The following ZMYM1 variants were observed in gnomAD, a reference collection of about 807,000 sequenced individuals.
ZMYM1 encodes the protein zinc finger MYM-type containing 1.
In ZMYM1, 39 loss-of-function variants were observed where a neutral mutation model predicts 60.0. The observed-to-expected ratio is 0.65, with a 90% CI of 0.50 to 0.85. The LOEUF (loss-of-function observed/expected upper bound fraction) is 0.85, where lower values mean the gene tolerates loss of function less well. ZMYM1 is among the 40% of genes least tolerant of loss of function. The pLI, the probability that ZMYM1 is intolerant of heterozygous loss-of-function variation, is 0.00. For synonymous variants in ZMYM1, 413 were observed against 454.0 expected (o/e 0.91, Z 1.15); for missense variants, 1,171 against 1,309.5 (o/e 0.89, Z 1.63).
intron 1 of ZMYM1, among the ~76,000 whole-genome samples, chr1:35,062,257 CATT>C (rs2148473846): frequency 6.6e-6 from 1 of 152,302 alleles, no homozygotes; most frequent in Non-Finnish European, 1.5e-5. Flanking sequence ...AGAAGAAACT[CATT>C]GTGTGCAGTC....
At chr1:35,077,363 T>C (rs984980007), upstream of ZMYM1, among the ~76,000 whole-genome samples, 2 of 152,180 alleles carry the variant, frequency 1.3e-5, no homozygotes, top group Admixed American at 1.3e-4. Context: ...CTAAACTAAC[T>C]TTGGGAGGAA....
In ZMYM1 at chr1:35,113,476, G is replaced by A. The variant is rs757222725; in HGVS notation, c.1646G>A (p.Gly549Glu). Residue 549 changes from glycine to glutamate, a missense_variant, in exon 10 of 10, where the codon GGA becomes GAA. Physicochemically the swap from Gly to Glu is moderately conservative, Grantham distance 98 (BLOSUM62 -2). Transcript: ENST00000359858. ...TCTATTCATTCGAAACAGATTGAGG[G>A]AAATAAAAAGTACCTAAAGCTTATA... ...DLSIHSKQIEGNKKYLKLIIE... is the reference protein window; with the variant it reads ...DLSIHSKQIEENKKYLKLIIE... 1 of 1,612,038 alleles carries A rather than the reference G, an allele frequency of 6.2e-7. No individual in the cohort carries two copies. The highest frequency in any genetic ancestry group is 8.5e-7 in the Non-Finnish European group (1 of 1,179,490).
chr1:35,118,408 T>C (rs1427085834), downstream of ZMYM1, among the ~76,000 whole-genome samples: 1 of 152,092 alleles, frequency 6.6e-6, no homozygotes, highest in African/African-American at 2.4e-5. Flanking sequence ...CTGTTTTTAG[T>C]TGTAGTTTCT....
chr1:35,082,256 G>C (rs1642425203), intron 1 of ZMYM1, among the ~76,000 whole-genome samples: 1 of 149,444 alleles, frequency 6.7e-6, no homozygotes, highest in African/African-American at 2.5e-5. Context: ...TTCTTTTGCG[G>C]GGGGTGAGTT....
intron 6 of ZMYM1, among the ~76,000 whole-genome samples, chr1:35,105,554 C>T (rs1216255499): frequency 6.6e-6 from 1 of 152,254 alleles, no homozygotes; most frequent in African/African-American, 2.4e-5. Flanking sequence ...CTGCCTCAGC[C>T]TCCCAAGGAA....
chr1:35,097,279 A>G, intron 3 of ZMYM1, 38 bp from the exon 4 acceptor site: 1 of 1,544,422 alleles, frequency 6.5e-7, no homozygotes, highest in East Asian at 2.2e-5. Flanking sequence ...ATTTTGTGTA[A>G]ATAACAATTT....
chr1:35,088,055 A>C (rs1254894718), intron 1 of ZMYM1, among the ~76,000 whole-genome samples: 1 of 151,780 alleles, frequency 6.6e-6, no homozygotes, highest in Non-Finnish European at 1.5e-5. Context: ...GAGAGATTCC[A>C]TCTCAAGAAA....
At chr1:35,102,830 G>A (rs1204770035) in intron 4 of ZMYM1, among the ~76,000 whole-genome samples, 2 of 152,150 alleles carry the variant, frequency 1.3e-5, no homozygotes, top group Non-Finnish European at 2.9e-5. Flanking sequence ...CTTATGTCCT[G>A]TGTTGTCACA....
At chr1:35,111,693 C>A in intron 7 of ZMYM1, 79 bp from the exon 8 acceptor site, 1 of 1,336,096 alleles carries the variant, frequency 7.5e-7, no homozygotes, top group Non-Finnish European at 9.9e-7. Flanking sequence ...TGCATTATTT[C>A]TTTAAACAGT....
intron 7 of ZMYM1, among the ~76,000 whole-genome samples, chr1:35,111,213 G>C (rs1161078588): frequency 6.6e-6 from 1 of 152,072 alleles, no homozygotes; most frequent in Non-Finnish European, 1.5e-5. Flanking sequence ...TAATAAAAAA[G>C]CACAAATAAT....
chr1:35,064,418 G>C (rs952604706), intron 1 of ZMYM1, among the ~76,000 whole-genome samples: 5 of 151,082 alleles, frequency 3.3e-5, no homozygotes, highest in Non-Finnish European at 7.4e-5. Context: ...AAATGAGCAA[G>C]GAAATAGAAA....
chr1:35,114,253 G>C lies in ZMYM1; in HGVS notation c.2423G>C (p.Cys808Ser). The change falls in exon 10 of 10, where the codon TGT becomes TCT. Residue 808 changes from cysteine (C) to serine (S), a missense_variant. Cys to Ser is a moderately radical substitution (Grantham distance 112). Coordinates refer to ENST00000359858, the MANE Select transcript of ZMYM1 (RefSeq NM_024772.5). ...TGCAAGAAACATATATCACAATCAT[G>C]TTGGACAGTCCATGATCGTACATTA... is the stretch of plus-strand genomic sequence containing the variant. The part of the protein sequence containing the change: ...KTCKKHISQS[C>S]WTVHDRTLLS... 1 of 1,613,776 alleles carries C rather than the reference G, an allele frequency of 6.2e-7. No individual in the cohort carries two copies. Among genetic ancestry groups the C allele is most frequent in the Non-Finnish European group, 8.5e-7 (1 of 1,179,848 alleles).
intron 1 of ZMYM1, among the ~76,000 whole-genome samples, chr1:35,089,737 G>GTT (rs1236057708): frequency 2.0e-5 from 1 of 50,720 alleles, no homozygotes; most frequent in Non-Finnish European, 6.3e-5. Flanking sequence ...TAGTTGTAAG[G>GTT]CTTTTTTTTT....
chr1:35,077,067 G>A (rs998907646), upstream of ZMYM1, among the ~76,000 whole-genome samples: 8 of 152,106 alleles, frequency 5.3e-5, no homozygotes, highest in East Asian at 3.8e-4. Context: ...CAAGAAAGAC[G>A]CATGAAACTT....
chr1:35,110,616 G>A (rs751263826), intron 7 of ZMYM1, among the ~76,000 whole-genome samples, 169 bp downstream of exon 7: 13 of 152,072 alleles, frequency 8.5e-5, no homozygotes, highest in South Asian at 4.2e-4. Flanking sequence ...ATAAAAGGAA[G>A]GCTACTTTAC....
chr1:35,081,364 G>A (rs1361049655), intron 1 of ZMYM1, among the ~76,000 whole-genome samples: 7 of 151,864 alleles, frequency 4.6e-5, no homozygotes, highest in Non-Finnish European at 8.8e-5. Flanking sequence ...AGCTTTATAA[G>A]CCCTTCCAAC....
chr1:35,090,062 C>T (rs548424495), intron 1 of ZMYM1, among the ~76,000 whole-genome samples: 17 of 152,114 alleles, frequency 1.1e-4, no homozygotes, highest in Non-Finnish European at 1.3e-4. Flanking sequence ...CCTGCCACCA[C>T]GCCCGGCTAA....
At chr1:35,094,933 A>C (rs1569937913) in intron 2 of ZMYM1, among the ~76,000 whole-genome samples, 1 of 152,274 alleles carries the variant, frequency 6.6e-6, no homozygotes, top group African/African-American at 2.4e-5. Context: ...TAAAAAGGGT[A>C]ATTTATTTGT....
chr1:35,112,460 G>A (rs1644121353), intron 9 of ZMYM1, among the ~76,000 whole-genome samples: 1 of 148,036 alleles, frequency 6.8e-6, no homozygotes, highest in Non-Finnish European at 1.5e-5. Context: ...TTACAGGCAT[G>A]AGCCACCACA....
Sources: allele counts gnomAD v4.1 joint callset (sites outside exome capture counted in the v4.1 genomes callset), GRCh38; gene constraint gnomAD v4.1.1; transcripts MANE v1.5; gene names NCBI Gene and HGNC (gene_info 2026-07-23, HGNC 2026-07-21).